The following INTS8 variants were observed in gnomAD, a reference collection of about 807,000 sequenced individuals.
INTS8 encodes protein kaonashi-1.
Under a neutral mutation model 138.9 loss-of-function variants are expected in INTS8, and 47 were observed. The ratio of observed to expected loss-of-function variants is 0.34; its 90% CI spans 0.27 to 0.43. INTS8 has a LOEUF of 0.43. Ranked by LOEUF, INTS8 falls within the 20% of genes least tolerant of loss-of-function variation. The pLI is 1.00. For synonymous variants in INTS8, 392 were observed against 400.9 expected (o/e 0.98, Z 0.27); for missense variants, 996 against 1,173.0 (o/e 0.85, Z 2.20).
chr8:94,832,815 C>T (rs902638251), intron 6 of INTS8, among the ~76,000 whole-genome samples: 25 of 152,054 alleles, frequency 1.6e-4, no homozygotes, highest in Non-Finnish European at 2.4e-4. Context: ...CCACCACACC[C>T]GGCTAATTTT....
chr8:94,863,553 A>G (rs564120960), intron 16 of INTS8, among the ~76,000 whole-genome samples: 1 of 152,298 alleles, frequency 6.6e-6, no homozygotes, highest in South Asian at 2.1e-4. Context: ...AGTAAGTTAT[A>G]TATCCACTTG....
At chr8:94,836,269 C>T (rs1051940116) in intron 6 of INTS8, among the ~76,000 whole-genome samples, 18 of 152,082 alleles carry the variant, frequency 1.2e-4, no homozygotes, top group Admixed American at 1.3e-4. Context: ...TTTTTCTAGT[C>T]AGATTCTTTA....
intron 1 of INTS8, among the ~76,000 whole-genome samples, chr8:94,824,122 A>G (rs1297873275): frequency 6.6e-6 from 1 of 152,242 alleles, no homozygotes; most frequent in South Asian, 2.1e-4. Flanking sequence ...TATAGTGATG[A>G]TAATGATTAA....
At chr8:94,839,293 C>A (rs1815050308) in intron 8 of INTS8, among the ~76,000 whole-genome samples, 1 of 152,168 alleles carries the variant, frequency 6.6e-6, no homozygotes, top group Non-Finnish European at 1.5e-5. Flanking sequence ...CACGCACACA[C>A]CTCTGGGTGT....
chr8:94,830,951 C>T (rs1320570369), intron 5 of INTS8, among the ~76,000 whole-genome samples: 1 of 151,964 alleles, frequency 6.6e-6, no homozygotes, highest in African/African-American at 2.4e-5. Flanking sequence ...GCGTGCTCCA[C>T]CATGCCTGGC....
chr8:94,841,507 T>G lies in INTS8; in HGVS notation c.1034T>G (p.Phe345Cys), dbSNP rs934303615. 6.3e-6 allele frequency: 10 copies of G among 1,597,408 alleles called. No individual in the cohort carries two copies. In the South Asian group the frequency reaches 1.1e-4, roughly 18 times the overall value. The part of the protein sequence containing the change: ...SGNYQEVIQI[F>C]IEDNLTLSLP... ...GTGTTCTAGGAGGTAATACAGATTTTCATTGAAGACAACTTAACCTTGAGT... is the reference window on the plus strand; with the variant it reads ...GTGTTCTAGGAGGTAATACAGATTTGCATTGAAGACAACTTAACCTTGAGT... Residue 345 changes from phenylalanine to cysteine, a missense_variant, in exon 9 of 27, where the codon TTC becomes TGC. Phe to Cys is a radical substitution (Grantham distance 205, BLOSUM62 -2). Coordinates refer to ENST00000523731, the MANE Select transcript of INTS8 (RefSeq NM_017864.4).
In INTS8 at chr8:94,865,570, C is replaced by T; in HGVS notation, c.2141C>T (p.Ala714Val). ...GGCCCTAAAGAAAGTAGACGGACTGCCAAAGACCTTTGGGAAGTTGTTGTT... is the reference window on the plus strand; with the variant it reads ...GGCCCTAAAGAAAGTAGACGGACTGTCAAAGACCTTTGGGAAGTTGTTGTT... ...LPGPKESRRTAKDLWEVVVQI... is the reference protein window; with the variant it reads ...LPGPKESRRTVKDLWEVVVQI... The change falls in exon 17 of 27, where the codon GCC (alanine) becomes GTC (valine). Residue 714 changes from alanine (A) to valine (V), a missense_variant. By Grantham distance (64) the Ala-to-Val change is moderately conservative. Coordinates refer to ENST00000523731, the MANE Select transcript of INTS8 (RefSeq NM_017864.4). 1 of 1,614,080 alleles carries T rather than the reference C, an allele frequency of 6.2e-7. No homozygotes were observed. The highest frequency in any genetic ancestry group is 8.5e-7 in the Non-Finnish European group (1 of 1,179,952).
At chr8:94,877,517 A>G (rs1816604802) in intron 26 of INTS8, among the ~76,000 whole-genome samples, 1 of 152,074 alleles carries the variant, frequency 6.6e-6, no homozygotes, top group Non-Finnish European at 1.5e-5. Context: ...CCTTTTTGCT[A>G]TTTCCAAACC....
intron 23 of INTS8, 60 bp from the exon 24 acceptor site, chr8:94,876,014 T>C (rs113601057): frequency 1.0e-5 from 11 of 1,072,114 alleles, no homozygotes; most frequent in Middle Eastern, 3.0e-4. Flanking sequence ...TAATTCAAGA[T>C]TACCTTGTAA....
chr8:94,880,099 C>T lies in INTS8; in HGVS notation c.2872-19C>T. The T allele has an allele frequency of 1.9e-6, 3 of 1,552,644 alleles. No individual in the cohort carries two copies. The highest frequency in any genetic ancestry group is 1.8e-6 in the Non-Finnish European group (2 of 1,134,978). On this transcript the variant is annotated intron_variant, in intron 26 of 26. Coordinates refer to ENST00000523731, the MANE Select transcript of INTS8 (RefSeq NM_017864.4). ...ATTTTTGACACACCTCTAATAACAT[C>T]ACTTTTCTGTTTTGGAAGATCAAAG...
Position 94,832,076 on chromosome 8 carries a change from A to G in INTS8, c.655A>G (p.Thr219Ala), listed in dbSNP as rs759527863. 1 of 1,613,732 alleles carries G rather than the reference A, an allele frequency of 6.2e-7. No homozygotes were observed. The highest frequency in any genetic ancestry group is 8.5e-7 in the Non-Finnish European group (1 of 1,179,786). ...GGATCTTTATGTCCATACGATGAGA[A>G]CTCTAGATTTATTGGCCATGGAACC... ...NKDLYVHTMR[T>A]LDLLAMEPGM... Residue 219 changes from threonine (T) to alanine (A), a missense_variant, in exon 6 of 27, where the codon ACT (threonine) becomes GCT (alanine). Physicochemically the swap from Thr to Ala is moderately conservative, Grantham distance 58 (BLOSUM62 0). Transcript: ENST00000523731.
chr8:94,847,691 TGA>T (rs1815381311), intron 10 of INTS8, among the ~76,000 whole-genome samples: 1 of 152,162 alleles, frequency 6.6e-6, no homozygotes, highest in Non-Finnish European at 1.5e-5. Flanking sequence ...CCCACTAGTT[TGA>T]GTTTTTCTTT....
intron 1 of INTS8, among the ~76,000 whole-genome samples, 177 bp from the exon 2 acceptor site, chr8:94,824,716 C>T (rs921764141): frequency 6.7e-6 from 1 of 148,504 alleles, no homozygotes; most frequent in East Asian, 2.0e-4. Context: ...TTCTTACATA[C>T]GTATTCCTTA....
chr8:94,834,319 G>C (rs1009515223), intron 6 of INTS8, among the ~76,000 whole-genome samples: 11 of 151,588 alleles, frequency 7.3e-5, no homozygotes, highest in African/African-American at 2.4e-4. Flanking sequence ...GCCTAGAAAG[G>C]GGAATTATAT....
At chr8:94,874,654 A>G (rs1192624084) in intron 23 of INTS8, 52 bp downstream of exon 23, 2 of 1,008,760 alleles carry the variant, frequency 2.0e-6, no homozygotes, top group Non-Finnish European at 1.5e-6. Flanking sequence ...GTTAGAGTTT[A>G]TAATAAATAT....
chr8:94,858,705 C>T lies in INTS8; in HGVS notation c.1955-806C>T, dbSNP rs540627446. Among the ~76,000 whole-genome samples, 19 of 152,146 alleles carry T rather than the reference C, an allele frequency of 1.2e-4. 1 individual carries two copies. Among genetic ancestry groups the T allele is most frequent in the Non-Finnish European group, 2.8e-4 (19 of 68,028 alleles). Reference sequence around the variant, plus strand: ...GTGCAGAGAGGTTGAGGAATTTGCCCACAGTCACACAGGAAGAGACAGAAC... The same window carrying T: ...GTGCAGAGAGGTTGAGGAATTTGCCTACAGTCACACAGGAAGAGACAGAAC... On this transcript the variant is annotated intron_variant, in intron 15 of 26. Coordinates refer to ENST00000523731, the MANE Select transcript of INTS8 (RefSeq NM_017864.4).
At chr8:94,841,249 A>T (rs892040398) in intron 8 of INTS8, among the ~76,000 whole-genome samples, 1 of 152,086 alleles carries the variant, frequency 6.6e-6, no homozygotes, top group African/African-American at 2.4e-5. Flanking sequence ...ATTGCCTCTC[A>T]TTGACTGATT....
rs563992626 is a variant in INTS8 at position 94,865,182 on chromosome 8, A to C, written c.2077-324A>C. On this transcript the variant is annotated intron_variant, in intron 16 of 26. Coordinates refer to ENST00000523731, the MANE Select transcript of INTS8 (RefSeq NM_017864.4). ...TCCCTATGTAACGTGGGATCATACT[A>C]TGTGTATTTAGCAACTCGTTTTTTT... is the stretch of plus-strand genomic sequence containing the variant. Among the ~76,000 whole-genome samples, 113 of 151,826 alleles carry C rather than the reference A, an allele frequency of 7.4e-4. 1 individual carries two copies. The highest frequency in any genetic ancestry group is 2.7e-3 in the African/African-American group (110 of 41,378).
In INTS8 at chr8:94,845,415, T is replaced by A. The variant is rs540812797; in HGVS notation, c.1260+2927T>A. Among the ~76,000 whole-genome samples, 111 of 152,296 alleles carry A rather than the reference T, an allele frequency of 7.3e-4. 2 individuals are homozygous for A. In the South Asian group the frequency reaches 0.019, roughly 27 times the overall value. On this transcript the variant is annotated intron_variant, in intron 10 of 26. Transcript: ENST00000523731. ...ACTTTTCTATTTGTCTATCCATACC[T>A]TATTATGTCCATGTCCTGATACCAT...
Sources: gnomAD v4.1 joint callset for allele counts (sites outside exome capture counted in the v4.1 genomes callset) on GRCh38, gnomAD v4.1.1 for gene constraint, MANE v1.5 for transcripts, NCBI Gene and HGNC (gene_info 2026-07-23, HGNC 2026-07-21) for gene names.